DAB1: variants seen among roughly 807,000 people sequenced by gnomAD.
DAB1 encodes DAB adaptor protein 1.
DAB1 carries 15 observed loss-of-function variants against 64.6 expected under a neutral mutation model. That is an observed-to-expected ratio of 0.23 (90% CI 0.16 to 0.36). The LOEUF is 0.36. Among genes scored for constraint, DAB1 ranks in the 10% least tolerant of loss-of-function variants. The pLI is 1.00. For missense variants in DAB1, 596 were observed against 706.7 expected, an observed-to-expected ratio of 0.84 and a Z score of 1.78; for synonymous variants, 235 against 251.9, an observed-to-expected ratio of 0.93 and a Z score of 0.64.
chr1:58,211,326 T>C (rs766240913), intron 4 of DAB1, among the ~76,000 whole-genome samples: 9 of 152,212 alleles, frequency 5.9e-5, no homozygotes, highest in Non-Finnish European at 1.2e-4. Flanking sequence ...TTCAAATCAG[T>C]ATGGTGATAT....
chr1:58,115,985 TAAAA>T (rs142607082), intron 5 of DAB1, among the ~76,000 whole-genome samples: 29 of 136,146 alleles, frequency 2.1e-4, no homozygotes, highest in African/African-American at 6.6e-4. Flanking sequence ...ACTTAGAGTA[TAAAA>T]AAAAAAAAAA....
chr1:57,063,781 G>A (rs1393421413), intron 8 of DAB1, among the ~76,000 whole-genome samples: 3 of 152,128 alleles, frequency 2.0e-5, no homozygotes, highest in African/African-American at 4.8e-5. Flanking sequence ...AAATATATAC[G>A]AACACATCTT....
intron 6 of DAB1, among the ~76,000 whole-genome samples, chr1:57,655,260 A>G (rs893972385): frequency 2.0e-5 from 3 of 151,822 alleles, no homozygotes; most frequent in African/African-American, 7.3e-5. Flanking sequence ...CGTCCATCCA[A>G]CTGTCCATCC....
intron 1 of DAB1, among the ~76,000 whole-genome samples, chr1:57,338,568 G>C (rs963695259): frequency 6.6e-6 from 1 of 152,132 alleles, no homozygotes; most frequent in Non-Finnish European, 1.5e-5. Flanking sequence ...TCAAAATGTA[G>C]AAATAAGCTG....
intron 3 of DAB1, among the ~76,000 whole-genome samples, chr1:58,496,496 T>C (rs186882964): frequency 6.6e-6 from 1 of 152,284 alleles, no homozygotes; most frequent in African/African-American, 2.4e-5. Flanking sequence ...ACTTGAGATT[T>C]GGTTTTGTTT....
At chr1:57,127,877 G>A (rs142448220) in intron 4 of DAB1, among the ~76,000 whole-genome samples, 2,553 of 152,244 alleles carry the variant, frequency 0.017, 49 homozygotes, top group Admixed American at 0.049. Context: ...TCCGGGCGTG[G>A]TAGTTCACAC....
At chr1:57,215,417 C>T (rs1340819534) in intron 2 of DAB1, among the ~76,000 whole-genome samples, 1 of 152,180 alleles carries the variant, frequency 6.6e-6, no homozygotes, top group Non-Finnish European at 1.5e-5. Context: ...TCAAGAATGC[C>T]AGCCTTAGCC....
chr1:57,386,605 C>A (rs904263923), intron 1 of DAB1: 2 of 152,072 alleles, frequency 1.3e-5, no homozygotes, highest in African/African-American at 4.8e-5. Flanking sequence ...TGCAGATGAA[C>A]AAACTGAGGC....
At chr1:58,033,679 G>A (rs1476113839) in intron 5 of DAB1, among the ~76,000 whole-genome samples, 2 of 152,158 alleles carry the variant, frequency 1.3e-5, no homozygotes, top group African/African-American at 4.8e-5. Flanking sequence ...AGAAAGTACT[G>A]TATAAATATT....
chr1:57,602,847 C>A (rs927810483), intron 7 of DAB1, among the ~76,000 whole-genome samples: 1 of 152,094 alleles, frequency 6.6e-6, no homozygotes, highest in African/African-American at 2.4e-5. Context: ...GCATCTTCAA[C>A]GTTAGTCCTT....
intron 5 of DAB1, among the ~76,000 whole-genome samples, chr1:57,909,433 G>C (rs1343917950): frequency 2.0e-5 from 3 of 152,180 alleles, no homozygotes; most frequent in African/African-American, 7.2e-5. Flanking sequence ...CTGTGCGAGA[G>C]AGTCATGAAT....
In DAB1 at chr1:57,072,388, A is replaced by C; in HGVS notation, c.333T>G (p.His111Gln). 6.2e-7 allele frequency: 1 copy of C among 1,613,738 alleles called. No individual in the cohort carries two copies. The highest frequency in any genetic ancestry group is 8.5e-7 in the Non-Finnish European group (1 of 1,179,686). The change falls in exon 5 of 15, where the codon CAT becomes CAG. Residue 111 changes from histidine to glutamine, a missense_variant. His to Gln is a conservative substitution (Grantham distance 24). Around this residue, in one of 3 missense-constraint regions of DAB1, gnomAD observed 176 missense variants for 266.7 expected, o/e 0.66. Coordinates refer to ENST00000371236, the MANE Select transcript of DAB1 (RefSeq NM_001365792.1). ...TGALQHHHAV[H>Q]EISYIAKDIT... The stretch of plus-strand genomic sequence containing the variant: ...TGTCCTTTGCAATGTAGGATATTTC[A>C]TGAACAGCATGATGATGCTGAAGGG...
chr1:57,584,342 T>C (rs1570649040), intron 7 of DAB1, among the ~76,000 whole-genome samples: 1 of 152,218 alleles, frequency 6.6e-6, no homozygotes. Context: ...TCAATTAAAC[T>C]CCTTTAAATT....
chr1:57,080,501 G>GCTT (rs1446995345), intron 4 of DAB1, among the ~76,000 whole-genome samples: 1 of 152,066 alleles, frequency 6.6e-6, no homozygotes, highest in Non-Finnish European at 1.5e-5. Context: ...TAAAAAGTCA[G>GCTT]CTTCTTCTTC....
At chr1:57,085,206 G>A (rs952322382) in intron 4 of DAB1, among the ~76,000 whole-genome samples, 7 of 152,204 alleles carry the variant, frequency 4.6e-5, no homozygotes, top group Admixed American at 4.6e-4. Flanking sequence ...CACTGAGGCT[G>A]ATGGCCAGTC....
At chr1:57,110,521 G>A (rs1052345711) in intron 4 of DAB1, among the ~76,000 whole-genome samples, 13 of 152,168 alleles carry the variant, frequency 8.5e-5, no homozygotes, top group Non-Finnish European at 1.0e-4. Flanking sequence ...CTATAATGTT[G>A]CAGTGGTTAC....
intron 5 of DAB1, among the ~76,000 whole-genome samples, chr1:57,924,132 C>T (rs955537991): frequency 1.3e-5 from 2 of 152,120 alleles, no homozygotes; most frequent in Non-Finnish European, 2.9e-5. Flanking sequence ...TATTATTCTC[C>T]CCATTAATTC....
chr1:57,035,090 T>G (rs535745044), intron 9 of DAB1, among the ~76,000 whole-genome samples: 103 of 152,270 alleles, frequency 6.8e-4, no homozygotes, highest in Non-Finnish European at 1.1e-3. Flanking sequence ...TTATAATTAT[T>G]ATTTGGCCAG....
intron 9 of DAB1, among the ~76,000 whole-genome samples, chr1:57,041,659 T>G (rs1015919810): frequency 2.0e-5 from 3 of 152,202 alleles, no homozygotes; most frequent in African/African-American, 7.2e-5. Context: ...AGGTAACAGT[T>G]GAACATGTGC....
Sources: allele counts gnomAD v4.1 joint callset (sites outside exome capture counted in the v4.1 genomes callset), GRCh38; gene constraint gnomAD v4.1.1; regional missense constraint gnomAD v4.1.1; transcripts MANE v1.5; gene names NCBI Gene and HGNC (gene_info 2026-07-23, HGNC 2026-07-21).